EVA1C: variants seen among roughly 807,000 people sequenced by gnomAD.
EVA1C encodes the protein protein eva-1 homolog C.
Under a neutral mutation model 45.4 loss-of-function variants are expected in EVA1C, and 25 were observed. That is an observed-to-expected ratio of 0.55 (90% CI 0.40 to 0.77). The LOEUF (loss-of-function observed/expected upper bound fraction) is 0.77, where lower values mean the gene tolerates loss of function less well. EVA1C is among the 30% of genes least tolerant of loss of function. The pLI is 0.00. For missense variants in EVA1C, 479 were observed against 554.8 expected (o/e 0.86, Z 1.37); for synonymous variants, 190 against 221.2 (o/e 0.86, Z 1.25).
chr21:32,513,551 C>CTTTTTTTTTTTTT (rs1165725714), intron 7 of EVA1C, among the ~76,000 whole-genome samples: 3 of 106,778 alleles, frequency 2.8e-5, no homozygotes, highest in African/African-American at 4.0e-5. Context: ...TTTTTCTTTT[C>CTTTTTTTTTTTTT]TTTTTTTTTT....
intron 1 of EVA1C, among the ~76,000 whole-genome samples, chr21:32,425,334 CAAAAAAAAAA>C (rs60224656): frequency 5.9e-4 from 34 of 57,788 alleles, no homozygotes; most frequent in South Asian, 8.6e-4. Context: ...GACTCCATCT[CAAAAAAAAAA>C]AAAAAAAAAA....
At chr21:32,504,676 T>C (rs558180703) in intron 7 of EVA1C, among the ~76,000 whole-genome samples, 18 of 152,356 alleles carry the variant, frequency 1.2e-4, no homozygotes, top group African/African-American at 4.3e-4. Context: ...TGCCTGCCTA[T>C]GTTCAGAGAG....
chr21:32,500,097 G>T (rs1425184029), intron 5 of EVA1C, among the ~76,000 whole-genome samples: 1 of 152,036 alleles, frequency 6.6e-6, no homozygotes, highest in African/African-American at 2.4e-5. Context: ...AGAAGAGTAG[G>T]TGCTGGGAGA....
At chr21:32,491,137 G>A (rs1379633419) in intron 4 of EVA1C, among the ~76,000 whole-genome samples, 1 of 152,222 alleles carries the variant, frequency 6.6e-6, no homozygotes, top group South Asian at 2.1e-4. Flanking sequence ...GAAGACAGGG[G>A]AGAAGGAAGT....
chr21:32,443,561 C>A (rs185918708), intron 1 of EVA1C, among the ~76,000 whole-genome samples: 66 of 152,054 alleles, frequency 4.3e-4, no homozygotes, highest in African/African-American at 1.5e-3. Context: ...ATAAAAAAAC[C>A]CTTACAGTAT....
At chr21:32,455,894 T>TTTTG (rs984598361) in intron 2 of EVA1C, among the ~76,000 whole-genome samples, 39 of 152,230 alleles carry the variant, frequency 2.6e-4, no homozygotes, top group African/African-American at 7.2e-4. Flanking sequence ...TTTGTGTCTT[T>TTTTG]TTTGTTTGTT....
In EVA1C at chr21:32,497,404, T is replaced by C. The variant is rs140073169; in HGVS notation, c.778+2234T>C. On this transcript the variant is annotated intron_variant, in intron 5 of 7. Transcript: ENST00000300255. The stretch of plus-strand genomic sequence containing the variant: ...TCAGGTGAACTTCTCCCCATTTAGT[T>C]ATTCAGAAGACAAGGTATGAAGGTA... The C allele has an allele frequency of 5.7e-3, 1,996 of 347,988 alleles. 33 individuals carry two copies. Among genetic ancestry groups the C allele is most frequent in the African/African-American group, 0.04 (1,840 of 46,530 alleles). The allele number at this position is 347,988 out of a possible 1,614,324, so 21.6% of individuals were successfully genotyped here.
At chr21:32,447,360 C>T (rs942248440) in intron 1 of EVA1C, among the ~76,000 whole-genome samples, 2 of 151,962 alleles carry the variant, frequency 1.3e-5, no homozygotes, top group African/African-American at 4.8e-5. Context: ...CAAAGGGAGA[C>T]TCCGTCTCGG....
chr21:32,469,055 AGTT>A (rs1488238540), intron 4 of EVA1C, among the ~76,000 whole-genome samples: 1 of 152,312 alleles, frequency 6.6e-6, no homozygotes, highest in East Asian at 1.9e-4. Flanking sequence ...TGAATCCCTC[AGTT>A]GTTCCGTCAT....
chr21:32,462,497 C>T (rs775925477), intron 3 of EVA1C, among the ~76,000 whole-genome samples: 35 of 152,250 alleles, frequency 2.3e-4, no homozygotes, highest in African/African-American at 5.3e-4. Context: ...ACTCCCATCG[C>T]GGCAGATCCT....
chr21:32,471,324 C>CTTTTTTTTTTTTTTTTTTTTTT (rs796205289), intron 4 of EVA1C, among the ~76,000 whole-genome samples: 1 of 117,550 alleles, frequency 8.5e-6, no homozygotes, highest in African/African-American at 3.8e-5. Context: ...TCCTTTTTTT[C>CTTTTTTTTTTTTTTTTTTTTTT]TTTTTTCTTT....
chr21:32,425,334 CAAAAA>C (rs60224656), intron 1 of EVA1C, among the ~76,000 whole-genome samples: 5 of 57,784 alleles, frequency 8.7e-5, no homozygotes, highest in African/African-American at 3.1e-4. Flanking sequence ...GACTCCATCT[CAAAAA>C]AAAAAAAAAA....
intron 6 of EVA1C, among the ~76,000 whole-genome samples, chr21:32,503,549 A>AAAATAAAT (rs60401587): frequency 6.7e-6 from 1 of 149,124 alleles, no homozygotes; most frequent in Non-Finnish European, 1.5e-5. Flanking sequence ...CTCCATCTCA[A>AAAATAAAT]AAATAAATAA....
At chr21:32,428,282 G>A (rs1417764543) in intron 1 of EVA1C, 3 of 152,148 alleles carry the variant, frequency 2.0e-5, no homozygotes, top group Admixed American at 6.5e-5. Flanking sequence ...TTCCCTTAAA[G>A]CCCTGAGGAA....
At position 32,452,049 on chromosome 21, in the gene EVA1C, G is replaced by A. The variant is rs1382796231; in HGVS notation, c.161-1263G>A. ...CTTTCCTCTCCAGCAGCAAGACAGA[G>A]CCAAGAGTGATTTCTTGAAATGAAA... On this transcript the variant is annotated intron_variant, in intron 1 of 7. Coordinates refer to ENST00000300255, the MANE Select transcript of EVA1C (RefSeq NM_058187.5). The surrounding 1 kb of genome is among the most constrained non-coding windows in gnomAD (Gnocchi z 4.0). 2.0e-5 allele frequency: 3 copies of A among 152,278 alleles called. No homozygotes were observed. Among genetic ancestry groups the A allele is most frequent in the East Asian group, 1.9e-4 (1 of 5,186 alleles). The allele number at this position is 152,278 out of a possible 1,614,324, so 9.4% of individuals were successfully genotyped here. A position where few individuals can be genotyped will look rare whatever the true frequency, so the allele number is the denominator to read the frequency against.
intron 4 of EVA1C, among the ~76,000 whole-genome samples, chr21:32,490,783 C>T (rs193249472): frequency 1.3e-5 from 2 of 152,306 alleles, no homozygotes; most frequent in East Asian, 3.9e-4. Context: ...GCTAGTGAAT[C>T]CTTCTCCTTT....
chr21:32,469,831 C>T (rs998372706), intron 4 of EVA1C, among the ~76,000 whole-genome samples: 1 of 152,154 alleles, frequency 6.6e-6, no homozygotes, highest in Non-Finnish European at 1.5e-5. Flanking sequence ...GAGATGAGGC[C>T]CATCCACGTG....
At chr21:32,459,796 G>A (rs1003280654) in intron 3 of EVA1C, among the ~76,000 whole-genome samples, 8 of 144,128 alleles carry the variant, frequency 5.6e-5, no homozygotes, top group Non-Finnish European at 9.0e-5. Context: ...AGCCGAGATC[G>A]CGCCATTGCA....
At chr21:32,507,354 GTGTGTGTGTGCA>G (rs937676633) in intron 7 of EVA1C, among the ~76,000 whole-genome samples, 5 of 152,168 alleles carry the variant, frequency 3.3e-5, no homozygotes, top group Non-Finnish European at 5.9e-5. Flanking sequence ...AAGGAGTGGT[GTGTGTGTGTGCA>G]TGTGTGTGTG....
Sources: allele counts gnomAD v4.1 joint callset (sites outside exome capture counted in the v4.1 genomes callset), GRCh38; gene constraint gnomAD v4.1.1; non-coding constraint Gnocchi (gnomAD v3.1); transcripts MANE v1.5; gene names NCBI Gene and HGNC (gene_info 2026-07-23, HGNC 2026-07-21).